The following SEMA5A variants were observed in gnomAD, a reference collection of about 807,000 sequenced individuals.
SEMA5A encodes semaphorin-5A.
Under a neutral mutation model 135.5 loss-of-function variants are expected in SEMA5A, and 55 were observed. The observed-to-expected ratio is 0.41, with a 90% CI of 0.33 to 0.51. The LOEUF (loss-of-function observed/expected upper bound fraction) is 0.51. Among genes scored for constraint, SEMA5A ranks in the 20% least tolerant of loss-of-function variants. The probability of loss-of-function intolerance (pLI) is 0.37; values close to 1 mark genes in which losing one functional copy is unlikely to be tolerated. For synonymous variants in SEMA5A, 580 were observed against 546.5 expected (o/e 1.06, Z -0.85); for missense variants, 1,290 against 1,419.9 (o/e 0.91, Z 1.47).
chr5:9,309,925 G>GAGATATAAGAGCCTAGAATCTGAGGAGT (rs555860620), intron 5 of SEMA5A, among the ~76,000 whole-genome samples: 821 of 11,060 alleles, frequency 0.074, 7 homozygotes, highest in Middle Eastern at 0.33. Context: ...ATCTGAGGAG[G>GAGATATAAGAGCCTAGAATCTGAGGAGT]ACCGTTGGTA....
rs1198338126 is a variant in SEMA5A, at chr5:9,035,102, A to G, written c.*7795T>C. The G allele has an allele frequency of 6.6e-6, 1 of 152,654 alleles. No homozygotes were observed. The highest frequency in any genetic ancestry group is 2.4e-5 in the African/African-American group (1 of 41,464). 9.5% of individuals were successfully genotyped at this position (152,654 alleles called of 1,614,324 possible). A position where few individuals can be genotyped will look rare whatever the true frequency, so the allele number is the denominator to read the frequency against. ...ATGAGACAAACTATTTACATAAAACATAAGTACAAAAAATATAATACAATT... is the reference window on the plus strand; with the variant it reads ...ATGAGACAAACTATTTACATAAAACGTAAGTACAAAAAATATAATACAATT... On this transcript the variant is annotated 3_prime_UTR_variant, in exon 23 of 23. Coordinates refer to ENST00000382496, the MANE Select transcript of SEMA5A (RefSeq NM_003966.3).
At chr5:9,322,455 T>G (rs1343788814) in intron 4 of SEMA5A, among the ~76,000 whole-genome samples, 1 of 152,094 alleles carries the variant, frequency 6.6e-6, no homozygotes, top group Non-Finnish European at 1.5e-5. Context: ...ACCAGCACCA[T>G]CACCATCACC....
chr5:9,473,971 T>C (rs1481539693), intron 1 of SEMA5A, among the ~76,000 whole-genome samples: 2 of 152,134 alleles, frequency 1.3e-5, no homozygotes, highest in South Asian at 2.1e-4. Flanking sequence ...AGCAAGATCA[T>C]ACAACAGATA....
chr5:9,485,917 A>G lies in SEMA5A; in HGVS notation c.-174-48065T>C, dbSNP rs143119733. 2.9e-3 allele frequency among the ~76,000 whole-genome samples: 449 copies of G among 152,322 alleles called. 1 individual carries two copies. Among genetic ancestry groups the G allele is most frequent in the African/African-American group, 0.01 (427 of 41,576 alleles). ...CTTTAAATATTTAAGATATCATCTA[A>G]TATAAATGAAAAAGAACAGGCTGCA... On this transcript the variant is annotated intron_variant, in intron 1 of 22. Coordinates refer to ENST00000382496, the MANE Select transcript of SEMA5A (RefSeq NM_003966.3).
chr5:9,108,091 T>C (rs1032243365), intron 16 of SEMA5A, 49 bp downstream of exon 16: 8 of 1,592,760 alleles, frequency 5.0e-6, no homozygotes, highest in Non-Finnish European at 6.0e-6. Flanking sequence ...ATTGAGTCTG[T>C]ATTCCTGGTT....
chr5:9,471,005 G>A (rs1374379219), intron 1 of SEMA5A, among the ~76,000 whole-genome samples: 1 of 152,104 alleles, frequency 6.6e-6, no homozygotes, highest in Non-Finnish European at 1.5e-5. Context: ...ATGATAAGGA[G>A]GGCTTTCTCA....
chr5:9,446,886 T>A (rs1395864350), intron 1 of SEMA5A, among the ~76,000 whole-genome samples: 2 of 152,218 alleles, frequency 1.3e-5, no homozygotes, highest in African/African-American at 2.4e-5. Context: ...CGCCCTCTGG[T>A]CATTACATAG....
chr5:9,235,647 AT>A (rs982707495), intron 6 of SEMA5A, among the ~76,000 whole-genome samples: 3 of 151,280 alleles, frequency 2.0e-5, no homozygotes, highest in African/African-American at 7.2e-5. Flanking sequence ...TCAGCTAAAC[AT>A]TTTCAGAACA....
At chr5:9,506,640 A>T (rs1277838625) in intron 1 of SEMA5A, among the ~76,000 whole-genome samples, 1 of 152,232 alleles carries the variant, frequency 6.6e-6, no homozygotes, top group East Asian at 1.9e-4. Context: ...GCTTCAATGC[A>T]TCCCTTACAA....
At chr5:9,180,847 T>C (rs1406952597) in intron 11 of SEMA5A, among the ~76,000 whole-genome samples, 1 of 152,206 alleles carries the variant, frequency 6.6e-6, no homozygotes, top group African/African-American at 2.4e-5. Flanking sequence ...GTTGAGCTAG[T>C]TGGCCACTAT....
At chr5:9,096,052 G>T (rs1739295268) in intron 16 of SEMA5A, among the ~76,000 whole-genome samples, 1 of 152,102 alleles carries the variant, frequency 6.6e-6, no homozygotes, top group Non-Finnish European at 1.5e-5. Flanking sequence ...AGGGTCCTAT[G>T]GTAATTCTAT....
At chr5:9,406,247 G>T (rs1039608895) in intron 2 of SEMA5A, among the ~76,000 whole-genome samples, 2 of 152,138 alleles carry the variant, frequency 1.3e-5, no homozygotes, top group African/African-American at 4.8e-5. Flanking sequence ...CAGAGGCAGC[G>T]ATACTAATTT....
intron 1 of SEMA5A, among the ~76,000 whole-genome samples, chr5:9,450,575 G>T (rs1333025512): frequency 6.6e-6 from 1 of 152,004 alleles, no homozygotes; most frequent in African/African-American, 2.4e-5. Flanking sequence ...CCTTGCTGCT[G>T]CCTGTCACAC....
chr5:9,503,678 A>C (rs1033945887), intron 1 of SEMA5A, among the ~76,000 whole-genome samples: 4 of 152,242 alleles, frequency 2.6e-5, no homozygotes, highest in African/African-American at 9.6e-5. Context: ...GAAGATCTGC[A>C]TAACAGCACT....
In SEMA5A at chr5:9,250,710, A is replaced by G. The variant is rs186504428; in HGVS notation, c.271-12820T>C. On this transcript the variant is annotated intron_variant, in intron 5 of 22. Transcript: ENST00000382496. ...ACTTCTTTTTCAAAGTAATACAATA[A>G]TGATTTATTTGTTTGGAATTCTGTG... Among the ~76,000 whole-genome samples the G allele has an allele frequency of 1.2e-3, 179 of 152,332 alleles. 1 individual carries two copies. The highest frequency in any genetic ancestry group is 4.1e-3 in the African/African-American group (169 of 41,572).
At chr5:9,044,098 A>G (rs1054450676) in intron 22 of SEMA5A, among the ~76,000 whole-genome samples, 1 of 152,160 alleles carries the variant, frequency 6.6e-6, no homozygotes, top group African/African-American at 2.4e-5. Flanking sequence ...TGGTTTAAGC[A>G]GGGTCCAAGG....
At chr5:9,315,102 T>A (rs367860149) in intron 5 of SEMA5A, among the ~76,000 whole-genome samples, 17 of 152,164 alleles carry the variant, frequency 1.1e-4, no homozygotes, top group African/African-American at 4.1e-4. Context: ...TGGAAATACA[T>A]CTCCTCACTT....
At chr5:9,178,913 G>T (rs371097703) in intron 11 of SEMA5A, among the ~76,000 whole-genome samples, 7 of 152,272 alleles carry the variant, frequency 4.6e-5, no homozygotes, top group African/African-American at 1.7e-4. Flanking sequence ...TCCTAAGCCT[G>T]TGTCTACATT....
intron 1 of SEMA5A, among the ~76,000 whole-genome samples, chr5:9,469,597 C>A (rs1383063919): frequency 6.6e-6 from 1 of 152,186 alleles, no homozygotes; most frequent in African/African-American, 2.4e-5. Flanking sequence ...AGGTTTGGAG[C>A]CAGGATACCG....
Sources: gnomAD v4.1 joint callset for allele counts (sites outside exome capture counted in the v4.1 genomes callset) on GRCh38, gnomAD v4.1.1 for gene constraint, MANE v1.5 for transcripts, NCBI Gene and HGNC (gene_info 2026-07-23, HGNC 2026-07-21) for gene names.